NAALADL2: variants seen among roughly 807,000 people sequenced by gnomAD.
NAALADL2 encodes the protein N-acetylated alpha-linked acidic dipeptidase like 2, also known as inactive N-acetylated-alpha-linked acidic dipeptidase-like protein 2.
Under a neutral mutation model 87.2 loss-of-function variants are expected in NAALADL2, and 76 were observed. That is an observed-to-expected ratio of 0.87 (90% CI 0.72 to 1.05). The LOEUF is 1.05. Among genes scored for constraint, NAALADL2 ranks in the 50% least tolerant of loss-of-function variants. The pLI, the probability that NAALADL2 is intolerant of heterozygous loss-of-function variation, is 0.00. For missense variants in NAALADL2, 1,089 were observed against 945.8 expected (o/e 1.15, Z -1.99); for synonymous variants, 354 against 331.0 (o/e 1.07, Z -0.75).
At chr3:175,565,855 A>G in intron 9 of NAALADL2, among the ~76,000 whole-genome samples, 1 of 105,018 alleles carries the variant, frequency 9.5e-6, no homozygotes. Flanking sequence ...TTTGAGATGG[A>G]ATCTCACTCT....
At chr3:175,568,519 T>C (rs1244529885) in intron 9 of NAALADL2, among the ~76,000 whole-genome samples, 1 of 152,178 alleles carries the variant, frequency 6.6e-6, no homozygotes, top group East Asian at 1.9e-4. Flanking sequence ...ATCAATATAG[T>C]ACATAAAAAG....
At chr3:174,496,657 C>T (rs1718558491) in intron 1 of NAALADL2, among the ~76,000 whole-genome samples, 1 of 151,730 alleles carries the variant, frequency 6.6e-6, no homozygotes, top group South Asian at 2.1e-4. Context: ...CTAAAGTTTC[C>T]ATCTTACTGC....
chr3:175,531,772 G>A (rs920503960), intron 9 of NAALADL2, among the ~76,000 whole-genome samples: 1 of 152,192 alleles, frequency 6.6e-6, no homozygotes, highest in Non-Finnish European at 1.5e-5. Context: ...TGGTACAACA[G>A]CTGCAATTGG....
chr3:174,786,464 A>T (rs796506), intron 3 of NAALADL2, among the ~76,000 whole-genome samples: 39,577 of 128,598 alleles, frequency 0.31, 5,877 homozygotes, highest in Middle Eastern at 0.37. Context: ...AAAAAAAAAA[A>T]AATAATAAAT....
intron 3 of NAALADL2, among the ~76,000 whole-genome samples, chr3:174,812,703 G>T (rs568560641): frequency 6.6e-6 from 1 of 152,052 alleles, no homozygotes; most frequent in African/African-American, 2.4e-5. Flanking sequence ...TGCATGGGTG[G>T]AAGACAGTAA....
At chr3:174,761,206 C>T (rs1712898215) in intron 3 of NAALADL2, among the ~76,000 whole-genome samples, 1 of 152,074 alleles carries the variant, frequency 6.6e-6, no homozygotes, top group Non-Finnish European at 1.5e-5. Context: ...CAGTATCTAT[C>T]TTATAATGAC....
intron 11 of NAALADL2, among the ~76,000 whole-genome samples, chr3:175,730,417 T>TATATATATATATATATATATAG (rs1743550603): frequency 1.0e-5 from 1 of 96,610 alleles, no homozygotes; most frequent in Non-Finnish European, 2.2e-5. Flanking sequence ...TATATATATA[T>TATATATATATATATATATATAG]ATATATATAT....
At chr3:174,751,280 A>C (rs1322651575) in intron 3 of NAALADL2, among the ~76,000 whole-genome samples, 1 of 152,150 alleles carries the variant, frequency 6.6e-6, no homozygotes, top group African/African-American at 2.4e-5. Context: ...AATTGTTATG[A>C]AATTTTGACA....
intron 5 of NAALADL2, among the ~76,000 whole-genome samples, chr3:175,412,961 T>C (rs1713854131): frequency 6.8e-6 from 1 of 146,854 alleles, no homozygotes; most frequent in African/African-American, 2.5e-5. Context: ...GTCTGTCGCC[T>C]AGGCTGGAGT....
At chr3:175,635,644 T>C (rs1437646256) in intron 11 of NAALADL2, among the ~76,000 whole-genome samples, 4 of 152,196 alleles carry the variant, frequency 2.6e-5, no homozygotes, top group Non-Finnish European at 4.4e-5. Flanking sequence ...GAGTTTTGTA[T>C]GCTCTAAATA....
At chr3:174,482,284 T>C (rs1332976334) in intron 1 of NAALADL2, among the ~76,000 whole-genome samples, 1 of 152,022 alleles carries the variant, frequency 6.6e-6, no homozygotes, top group Admixed American at 6.6e-5. Flanking sequence ...GCCACACCCT[T>C]ACTGCAGAAA....
intron 1 of NAALADL2, among the ~76,000 whole-genome samples, chr3:175,007,669 C>T (rs1392445225): frequency 6.6e-6 from 1 of 152,130 alleles, no homozygotes; most frequent in Non-Finnish European, 1.5e-5. Flanking sequence ...TCCAAGACCC[C>T]AGTGGATGCC....
At chr3:175,690,254 T>G (rs973036281) in intron 11 of NAALADL2, among the ~76,000 whole-genome samples, 18 of 152,050 alleles carry the variant, frequency 1.2e-4, no homozygotes, top group African/African-American at 4.3e-4. Context: ...AGGACTAGTG[T>G]GCCTTTAGAG....
At chr3:175,305,305 C>A (rs1296759679) in intron 4 of NAALADL2, among the ~76,000 whole-genome samples, 1 of 151,062 alleles carries the variant, frequency 6.6e-6, no homozygotes, top group Non-Finnish European at 1.5e-5. Flanking sequence ...CTCCAAGGAA[C>A]GTAATTCTCT....
chr3:175,682,417 A>C (rs1735717448), intron 11 of NAALADL2, among the ~76,000 whole-genome samples: 1 of 152,046 alleles, frequency 6.6e-6, no homozygotes, highest in Non-Finnish European at 1.5e-5. Flanking sequence ...ATACAGCTGC[A>C]GAAAGAATTA....
At chr3:174,639,166 G>T (rs9882874) in intron 2 of NAALADL2, among the ~76,000 whole-genome samples, 109,772 of 151,854 alleles carry the variant, frequency 0.72, 40,059 homozygotes, top group South Asian at 0.85. Flanking sequence ...GACAATTCCC[G>T]TGGCTAGTTA....
At chr3:174,793,566 G>T (rs536491591) in intron 3 of NAALADL2, among the ~76,000 whole-genome samples, 95 of 152,246 alleles carry the variant, frequency 6.2e-4, no homozygotes, top group African/African-American at 2.1e-3. Context: ...ATAGTAAGTT[G>T]TATGGTACTT....
chr3:174,489,800 G>A (rs1718069915), intron 1 of NAALADL2, among the ~76,000 whole-genome samples: 1 of 152,060 alleles, frequency 6.6e-6, no homozygotes, highest in Non-Finnish European at 1.5e-5. Flanking sequence ...GTGGCAAAAA[G>A]TCAGATAATA....
At chr3:174,541,863 T>G (rs1722266553) in intron 1 of NAALADL2, among the ~76,000 whole-genome samples, 1 of 152,116 alleles carries the variant, frequency 6.6e-6, no homozygotes, top group Admixed American at 6.6e-5. Context: ...TTGGCTTCAC[T>G]CAGGAAACAA....
Sources: allele counts gnomAD v4.1 joint callset (sites outside exome capture counted in the v4.1 genomes callset), GRCh38; gene constraint gnomAD v4.1.1; transcripts MANE v1.5; gene names NCBI Gene and HGNC (gene_info 2026-07-23, HGNC 2026-07-21).